Variants in LPGAT1 observed in about 807,000 individuals in gnomAD.
LPGAT1 encodes the protein lysophosphatidylglycerol acyltransferase 1.
LPGAT1 carries 11 observed loss-of-function variants against 47.5 expected under a neutral mutation model. The ratio of observed to expected loss-of-function variants is 0.23; its 90% CI spans 0.15 to 0.38. The LOEUF is 0.38. Ranked by LOEUF, LPGAT1 falls within the 10% of genes least tolerant of loss-of-function variation. LPGAT1 has a pLI of 1.00. For missense variants in LPGAT1, 293 were observed against 439.0 expected (o/e 0.67, Z 2.97); for synonymous variants, 138 against 144.2 (o/e 0.96, Z 0.31).
chr1:211,802,015 G>C (rs1659593308), intron 2 of LPGAT1, among the ~76,000 whole-genome samples: 1 of 151,056 alleles, frequency 6.6e-6, no homozygotes, highest in Non-Finnish European at 1.5e-5. Context: ...TTGAAACTGG[G>C]AGGTTAAGGT....
At chr1:211,819,180 C>T (rs954547113) in intron 2 of LPGAT1, among the ~76,000 whole-genome samples, 1 of 152,030 alleles carries the variant, frequency 6.6e-6, no homozygotes, top group Admixed American at 6.6e-5. Flanking sequence ...TTTCAGAAAA[C>T]CTAGGAGAAA....
intron 2 of LPGAT1, among the ~76,000 whole-genome samples, chr1:211,803,764 C>CTTT (rs372453326): frequency 0.015 from 2,079 of 138,992 alleles, 85 homozygotes; most frequent in East Asian, 0.13. Flanking sequence ...GTTTTTCTTT[C>CTTT]TTTTTTTTTT....
In LPGAT1 at chr1:211,787,726, A is replaced by G. The variant is rs1163862297; in HGVS notation, c.359T>C (p.Val120Ala). ...LMMCLQDKGL[V>A]VAQMMWLMDH... ...CATCAACCACATCATCTGAGCAACA[A>G]CCTAAAATATTTAAAAGCAAGAAAT... Residue 120 changes from valine to alanine, a missense_variant and splice_region_variant, in exon 4 of 8, where the codon GTT becomes GCT. Physicochemically the swap from Val to Ala is moderately conservative, Grantham distance 64 (BLOSUM62 0). Transcript: ENST00000366997. 6.3e-7 allele frequency: 1 copy of G among 1,586,390 alleles called. No homozygotes were observed. Among genetic ancestry groups the G allele is most frequent in the Non-Finnish European group, 8.6e-7 (1 of 1,163,170 alleles).
rs1439586476 is a variant in LPGAT1 at position 211,830,548 on chromosome 1, C to T, written c.-28+25G>A. 3.3e-6 allele frequency: 4 copies of T among 1,195,010 alleles called. No homozygotes were observed. The highest frequency in any genetic ancestry group is 4.1e-6 in the Non-Finnish European group (4 of 965,088). 74.0% of individuals were successfully genotyped at this position (1,195,010 alleles called of 1,614,324 possible). ...CCCGGCTCCGCTGCCGCTCTGGGGC[C>T]TGCGACCGCGGAGCCGGAGGTTACC... On this transcript the variant is annotated intron_variant, in intron 1 of 7. Transcript: ENST00000366997. This position sits in a 1 kb window ranked among gnomAD's most constrained non-coding sequence, Gnocchi z 5.9.
At chr1:211,826,871 G>A (rs1324922607) in intron 2 of LPGAT1, among the ~76,000 whole-genome samples, 2 of 152,112 alleles carry the variant, frequency 1.3e-5, no homozygotes, top group African/African-American at 4.8e-5. Flanking sequence ...TGGGCATAGG[G>A]AAAAAAGAAC....
Position 211,830,460 on chromosome 1 carries a change from C to T in LPGAT1, c.-28+113G>A. Reference sequence around the variant, plus strand: ...TACCGCGCCCTCGTCCCTCAGGCCGCTGCCGCCTCCCCGGGCCACGCGACG... The same window carrying T: ...TACCGCGCCCTCGTCCCTCAGGCCGTTGCCGCCTCCCCGGGCCACGCGACG... On this transcript the variant is annotated intron_variant, in intron 1 of 7. Coordinates refer to ENST00000366997, the MANE Select transcript of LPGAT1 (RefSeq NM_014873.3). This position sits in a 1 kb window ranked among gnomAD's most constrained non-coding sequence, Gnocchi z 5.9. The T allele has an allele frequency of 1.7e-6, 2 of 1,182,134 alleles. No homozygotes were observed. Among genetic ancestry groups the T allele is most frequent in the Non-Finnish European group, 2.1e-6 (2 of 953,802 alleles). 73.2% of individuals were successfully genotyped at this position (1,182,134 alleles called of 1,614,324 possible).
At chr1:211,821,983 G>A (rs545653948) in intron 2 of LPGAT1, among the ~76,000 whole-genome samples, 1 of 152,258 alleles carries the variant, frequency 6.6e-6, no homozygotes, top group Non-Finnish European at 1.5e-5. Flanking sequence ...TATTAACAGA[G>A]ATTTTCAAAT....
chr1:211,787,021 C>G (rs1393087848), intron 4 of LPGAT1, among the ~76,000 whole-genome samples: 1 of 144,486 alleles, frequency 6.9e-6, no homozygotes, highest in African/African-American at 2.4e-5. Context: ...AATAATTTGC[C>G]CAATTCACAT....
chr1:211,790,555 T>C (rs1012908087), intron 3 of LPGAT1, among the ~76,000 whole-genome samples: 1 of 152,218 alleles, frequency 6.6e-6, no homozygotes, highest in Non-Finnish European at 1.5e-5. Context: ...CTTCCACCCT[T>C]ATATTCTGTT....
chr1:211,787,874 G>A, intron 3 of LPGAT1, 147 bp from the exon 4 acceptor site: 2 of 531,928 alleles, frequency 3.8e-6, no homozygotes, highest in Non-Finnish European at 6.6e-6. Flanking sequence ...TACAAACAAA[G>A]CACAGTTACT....
At chr1:211,795,038 C>A (rs1659291041) in intron 2 of LPGAT1, among the ~76,000 whole-genome samples, 1 of 151,970 alleles carries the variant, frequency 6.6e-6, no homozygotes, top group South Asian at 2.1e-4. Flanking sequence ...TTGCCAGGGG[C>A]TGGGGGAGGG....
chr1:211,791,151 TTCAGA>T (rs1659096372), intron 3 of LPGAT1, among the ~76,000 whole-genome samples: 2 of 152,318 alleles, frequency 1.3e-5, no homozygotes, highest in South Asian at 4.1e-4. Flanking sequence ...CCCTCTGCTT[TTCAGA>T]TAGACAAGAA....
chr1:211,827,640 A>G (rs1660578653), intron 2 of LPGAT1, among the ~76,000 whole-genome samples: 1 of 152,210 alleles, frequency 6.6e-6, no homozygotes, highest in South Asian at 2.1e-4. Flanking sequence ...GAACACTCAA[A>G]CTATACCAAG....
chr1:211,785,046 G>T (rs1355245166), intron 4 of LPGAT1, among the ~76,000 whole-genome samples: 1 of 152,040 alleles, frequency 6.6e-6, no homozygotes, highest in South Asian at 2.1e-4. Flanking sequence ...CTTGTGATCT[G>T]CCCCCCTTGG....
In LPGAT1 at chr1:211,793,116, C is replaced by CT. The variant is rs773282706; in HGVS notation, c.312dup (p.Gly105ArgfsTer29). The CT allele has an allele frequency of 6.2e-7, 1 of 1,609,602 alleles. No homozygotes were observed. The highest frequency in any genetic ancestry group is 8.5e-7 in the Non-Finnish European group (1 of 1,177,984). ...CACATCATCAGTGTGCACACATCTC[C>CT]TGTTGCCTGATGATTCACCAACATC... is the stretch of plus-strand genomic sequence containing the variant. On this transcript the variant is annotated frameshift_variant, in exon 3 of 8. Coordinates refer to ENST00000366997, the MANE Select transcript of LPGAT1 (RefSeq NM_014873.3). LOFTEE classifies it high-confidence loss of function.
intron 2 of LPGAT1, among the ~76,000 whole-genome samples, chr1:211,801,926 A>T (rs575246999): frequency 3.7e-4 from 56 of 151,204 alleles, no homozygotes; most frequent in East Asian, 1.7e-3. Context: ...CTAAAAAAAA[A>T]TTTTTTTTTA....
chr1:211,812,730 T>C (rs1660031733), intron 2 of LPGAT1, among the ~76,000 whole-genome samples: 1 of 152,142 alleles, frequency 6.6e-6, no homozygotes, highest in Admixed American at 6.6e-5. Flanking sequence ...GTAACAGAGA[T>C]ACACAGAGAA....
intron 2 of LPGAT1, among the ~76,000 whole-genome samples, chr1:211,801,586 T>C (rs886636746): frequency 6.6e-6 from 1 of 151,962 alleles, no homozygotes; most frequent in Admixed American, 6.6e-5. Context: ...GGCATGCTTA[T>C]AGTCCTAGCT....
Position 211,751,084 on chromosome 1 carries a change from G to A in LPGAT1, c.855-17C>T, listed in dbSNP as rs1657159486. On this transcript the variant is annotated splice_polypyrimidine_tract_variant and intron_variant, in intron 6 of 7. Coordinates refer to ENST00000366997, the MANE Select transcript of LPGAT1 (RefSeq NM_014873.3). ...GGAAAGATCCTATTAAGGGTTAGAA[G>A]AAAAGAACAAAAACTATTTAGTTCA... 6.6e-7 allele frequency: 1 copy of A among 1,514,652 alleles called. No homozygotes were observed. The highest frequency in any genetic ancestry group is 1.8e-5 in the Admixed American group (1 of 56,870). The allele number at this position is 1,514,652 out of a possible 1,614,324, so 93.8% of individuals were successfully genotyped here.
Sources: gnomAD v4.1 joint callset for allele counts (sites outside exome capture counted in the v4.1 genomes callset) on GRCh38, gnomAD v4.1.1 for gene constraint, Gnocchi (gnomAD v3.1) non-coding constraint, MANE v1.5 for transcripts, NCBI Gene and HGNC (gene_info 2026-07-23, HGNC 2026-07-21) for gene names.